Variants in CD109 observed in about 807,000 individuals in gnomAD.
CD109 encodes the protein CD109 antigen.
In CD109, 149 loss-of-function variants were observed where a neutral mutation model predicts 165.8. That is an observed-to-expected ratio of 0.90 (90% CI 0.79 to 1.03). The LOEUF (loss-of-function observed/expected upper bound fraction) is 1.03, where lower values mean the gene tolerates loss of function less well. Ranked by LOEUF, CD109 falls within the 50% of genes least tolerant of loss-of-function variation. The pLI is 0.00. For missense variants in CD109, 1,712 were observed against 1,677.8 expected, an observed-to-expected ratio of 1.02 and a Z score of -0.36; for synonymous variants, 585 against 592.1, an observed-to-expected ratio of 0.99 and a Z score of 0.18.
At chr6:73,755,710 C>G (rs1315292818) in intron 5 of CD109, among the ~76,000 whole-genome samples, 1 of 151,858 alleles carries the variant, frequency 6.6e-6, no homozygotes, top group Non-Finnish European at 1.5e-5. Context: ...TGCCTGTAAT[C>G]CTAGGACTTT....
At position 73,812,252 on chromosome 6, in the gene CD109, T is replaced by C. The variant is rs1290301084; in HGVS notation, c.3750T>C (p.Phe1250=). The C allele has an allele frequency of 8.7e-6, 14 of 1,608,806 alleles. No homozygotes were observed. Among genetic ancestry groups the C allele is most frequent in the Non-Finnish European group, 1.1e-5 (13 of 1,176,348 alleles). Residue 1250 remains phenylalanine (F), a synonymous_variant, in exon 29 of 33, where the codon TTT becomes TTC. Coordinates refer to ENST00000287097, the MANE Select transcript of CD109 (RefSeq NM_133493.5). ...PTAVNISANG[F]GFAICQLNVV... ...CAGTTAATATTTCCGCAAATGGTTT[T>C]GGATTTGCTATTTGTCAGGTATGTA...
rs905462467 is a variant in CD109 at position 73,812,266 on chromosome 6, G to A, written c.3764G>A (p.Cys1255Tyr). The A allele has an allele frequency of 2.5e-6, 4 of 1,600,910 alleles. No homozygotes were observed. The highest frequency in any genetic ancestry group is 3.4e-6 in the Non-Finnish European group (4 of 1,169,380). ...ISANGFGFAI[C>Y]QLNVVYNVKA... is the part of the protein sequence containing the mutation. Reference sequence around the variant, plus strand: ...GCAAATGGTTTTGGATTTGCTATTTGTCAGGTATGTAACGATGCTTATTTT... The same window carrying A: ...GCAAATGGTTTTGGATTTGCTATTTATCAGGTATGTAACGATGCTTATTTT... The change falls in exon 29 of 33, where the codon TGT becomes TAT. Residue 1255 changes from cysteine (C) to tyrosine (Y), a missense_variant. Physicochemically the swap from Cys to Tyr is radical, Grantham distance 194. Coordinates refer to ENST00000287097, the MANE Select transcript of CD109 (RefSeq NM_133493.5).
At chr6:73,787,737 A>T (rs1197102159) in intron 21 of CD109, among the ~76,000 whole-genome samples, 3 of 152,202 alleles carry the variant, frequency 2.0e-5, no homozygotes, top group African/African-American at 7.2e-5. Context: ...CTATTAAAAC[A>T]CGGCCAAGTC....
At position 73,696,229 on chromosome 6, in the gene CD109, C is replaced by A. The variant is rs1255697894; in HGVS notation, c.14C>A (p.Pro5Gln). 3.2e-6 allele frequency: 5 copies of A among 1,544,648 alleles called. No homozygotes were observed. Among genetic ancestry groups the A allele is most frequent in the Non-Finnish European group, 3.5e-6 (4 of 1,149,534 alleles). MQGP[P>Q]LLTAAHLLCV... is the part of the protein sequence containing the mutation. ...GACGCCGTCGAGATGCAGGGCCCACCGCTCCTGACCGCCGCCCACCTCCTC... is the reference window on the plus strand; with the variant it reads ...GACGCCGTCGAGATGCAGGGCCCACAGCTCCTGACCGCCGCCCACCTCCTC... Residue 5 changes from proline to glutamine, a missense_variant, in exon 1 of 33, where the codon CCG (proline) becomes CAG (glutamine). By Grantham distance (76) the Pro-to-Gln change is moderately conservative (BLOSUM62 -1). Transcript: ENST00000287097.
chr6:73,758,752 ATC>A (rs1266799499), intron 6 of CD109, among the ~76,000 whole-genome samples, 190 bp from the exon 7 acceptor site: 2 of 152,192 alleles, frequency 1.3e-5, no homozygotes, highest in Non-Finnish European at 2.9e-5. Context: ...AGGGCTTTTC[ATC>A]TGTCTTAATA....
the CD109 span, among the ~76,000 whole-genome samples, chr6:73,682,740 C>A: frequency 2.0e-5 from 3 of 152,244 alleles, no homozygotes; most frequent in Admixed American, 2.0e-4. Context: ...TCTGCCTGGG[C>A]ATCCAGGCAT....
Position 73,697,453 on chromosome 6 carries a change from C to G in CD109, c.128C>G (p.Thr43Ser), listed in dbSNP as rs762338794. ...ATCATCAGGCCCGGAGGAAATGTGA[C>G]TATTGGGGTGGAGCTTCTGGAACAC... ...PGIIRPGGNV[T>S]IGVELLEHCP... is the part of the protein sequence containing the mutation. Residue 43 changes from threonine to serine, a missense_variant, in exon 2 of 33, where the codon ACT becomes AGT. Coordinates refer to ENST00000287097, the MANE Select transcript of CD109 (RefSeq NM_133493.5). The G allele has an allele frequency of 5.0e-6, 8 of 1,614,122 alleles. 1 individual carries two copies. In the South Asian group the frequency reaches 7.7e-5, roughly 16 times the overall value.
chr6:73,717,671 G>A (rs1771791093), intron 2 of CD109, among the ~76,000 whole-genome samples: 1 of 138,184 alleles, frequency 7.2e-6, no homozygotes, highest in Non-Finnish European at 1.5e-5. Context: ...CCAGGCTGGA[G>A]TGCAGTGGCG....
At position 73,818,305 on chromosome 6, in the gene CD109, T is replaced by A. The variant is rs376467009; in HGVS notation, c.3912-83T>A. 43 of 1,443,202 alleles carry A rather than the reference T, an allele frequency of 3.0e-5. No individual in the cohort carries two copies. In the East Asian group the frequency reaches 5.5e-4, roughly 18 times the overall value. The allele number at this position is 1,443,202 out of a possible 1,614,324, so 89.4% of individuals were successfully genotyped here. On this transcript the variant is annotated intron_variant, in intron 30 of 32. Transcript: ENST00000287097. ...AGTGTTTGGAATAACATTTGGTGGG[T>A]TTGATTTTTGTATGAAGATAATTTG...
chr6:73,758,255 G>A (rs1465079483), intron 6 of CD109, among the ~76,000 whole-genome samples: 1 of 151,868 alleles, frequency 6.6e-6, no homozygotes, highest in African/African-American at 2.4e-5. Flanking sequence ...TATGAGAGTG[G>A]CCTGTTTCTT....
At chr6:73,736,285 C>G in intron 4 of CD109, 98 bp from the exon 5 acceptor site, 1 of 1,315,738 alleles carries the variant, frequency 7.6e-7, no homozygotes, top group Non-Finnish European at 1.0e-6. Context: ...AAGTTCTGGA[C>G]CTGGGTGGGA....
At chr6:73,708,622 A>G (rs570711524) in intron 2 of CD109, among the ~76,000 whole-genome samples, 2 of 152,320 alleles carry the variant, frequency 1.3e-5, no homozygotes, top group African/African-American at 4.8e-5. Context: ...CCAACAGTGT[A>G]AAAGTGTTCC....
In CD109 at chr6:73,808,384, A is replaced by G. The variant is rs914379424; in HGVS notation, c.3355+136A>G. 1.4e-5 allele frequency: 12 copies of G among 837,664 alleles called. No homozygotes were observed. In the African/African-American group the frequency reaches 2.1e-4, roughly 14 times the overall value. 51.9% of individuals were successfully genotyped at this position (837,664 alleles called of 1,614,324 possible). On this transcript the variant is annotated intron_variant, in intron 26 of 32. Transcript: ENST00000287097. Reference sequence around the variant, plus strand: ...AAGTAAAACACATAATGAGATCAGGATGGGCCTGACATGGCCACAATGCTT... The same window carrying G: ...AAGTAAAACACATAATGAGATCAGGGTGGGCCTGACATGGCCACAATGCTT...
At chr6:73,776,767 G>A (rs973400240) in intron 15 of CD109, among the ~76,000 whole-genome samples, 2 of 151,734 alleles carry the variant, frequency 1.3e-5, no homozygotes, top group East Asian at 1.9e-4. Flanking sequence ...ATGTTGGACA[G>A]GCTGGTTTCA....
intron 3 of CD109, among the ~76,000 whole-genome samples, chr6:73,725,023 A>G (rs1255273477): frequency 1.3e-5 from 2 of 152,192 alleles, no homozygotes; most frequent in Non-Finnish European, 2.9e-5. Context: ...AGTATGCTAT[A>G]TCTATTCTGT....
chr6:73,781,938 T>A (rs753373863), intron 17 of CD109, among the ~76,000 whole-genome samples: 19 of 152,138 alleles, frequency 1.2e-4, no homozygotes, highest in Non-Finnish European at 2.8e-4. Flanking sequence ...TAAGTGTGCT[T>A]TTAGAAAGAC....
intron 2 of CD109, among the ~76,000 whole-genome samples, chr6:73,715,013 C>G (rs1308081224): frequency 6.6e-6 from 1 of 152,238 alleles, no homozygotes; most frequent in Non-Finnish European, 1.5e-5. Flanking sequence ...AATCCCAGCA[C>G]TTTGGGAGGC....
chr6:73,806,370 G>A (rs1400895278), intron 24 of CD109, among the ~76,000 whole-genome samples: 1 of 151,992 alleles, frequency 6.6e-6, no homozygotes, highest in South Asian at 2.1e-4. Context: ...TGTGGGGTGG[G>A]GGGATGGGGG....
intron 2 of CD109, among the ~76,000 whole-genome samples, chr6:73,699,142 A>G (rs1175806373): frequency 6.6e-6 from 1 of 152,236 alleles, no homozygotes; most frequent in Non-Finnish European, 1.5e-5. Flanking sequence ...TAAAGAAAAT[A>G]TTGAAATATT....
Sources: gnomAD v4.1 joint callset for allele counts (sites outside exome capture counted in the v4.1 genomes callset) on GRCh38, gnomAD v4.1.1 for gene constraint, MANE v1.5 for transcripts, NCBI Gene and HGNC (gene_info 2026-07-23, HGNC 2026-07-21) for gene names.